The following ZNF736 variants were observed in gnomAD, a reference collection of about 807,000 sequenced individuals.
The protein encoded by ZNF736 is KRAB-containing zinc-finger repressor protein.
ZNF736 carries 6 observed loss-of-function variants against 11.7 expected under a neutral mutation model. The ratio of observed to expected loss-of-function variants is 0.51; its 90% CI spans 0.28 to 1.01. ZNF736 has a LOEUF of 1.01. Ranked by LOEUF, ZNF736 falls within the 50% of genes least tolerant of loss-of-function variation. The probability of loss-of-function intolerance (pLI) is 0.09; values close to 1 mark genes in which losing one functional copy is unlikely to be tolerated. For synonymous variants in ZNF736, 139 were observed against 164.7 expected (o/e 0.84, Z 1.19); for missense variants, 444 against 496.0 (o/e 0.90, Z 1.00).
chr7:64,330,220 G>A (rs904817686), intron 1 of ZNF736, among the ~76,000 whole-genome samples: 1 of 151,988 alleles, frequency 6.6e-6, no homozygotes, highest in African/African-American at 2.4e-5. Context: ...GCAGTGGAGT[G>A]ATCTTGGCTC....
intron 1 of ZNF736, among the ~76,000 whole-genome samples, chr7:64,328,955 ATT>A (rs71060588): frequency 8.2e-4 from 120 of 146,300 alleles, no homozygotes; most frequent in Non-Finnish European, 6.6e-4. Flanking sequence ...TCTTGAGGCT[ATT>A]TTTTTTTTTT....
At chr7:64,332,513 G>T (rs1584270296) in intron 1 of ZNF736, among the ~76,000 whole-genome samples, 2 of 152,308 alleles carry the variant, frequency 1.3e-5, no homozygotes. Flanking sequence ...GAACTGATAA[G>T]GGTCTGGGTT....
At chr7:64,325,666 CT>C in intron 1 of ZNF736, among the ~76,000 whole-genome samples, 1 of 152,198 alleles carries the variant, frequency 6.6e-6, no homozygotes, top group South Asian at 2.1e-4. Flanking sequence ...TTTTACTCTC[CT>C]TTTAAAAAAT....
At chr7:64,323,334 A>C (rs1789027605) in intron 1 of ZNF736, among the ~76,000 whole-genome samples, 1 of 152,242 alleles carries the variant, frequency 6.6e-6, no homozygotes, top group South Asian at 2.1e-4. Context: ...CTTATTGAGC[A>C]TGAAACACTT....
In ZNF736 at chr7:64,333,720, C is replaced by T. The variant is rs150158635; in HGVS notation, c.4-2539C>T. ...ATATCATGAAAATGGCAATACTACC[C>T]AAAGTAATTTATAGATTCGATGCTA... On this transcript the variant is annotated intron_variant, in intron 1 of 3. Coordinates refer to ENST00000423484, the MANE Select transcript of ZNF736 (RefSeq NM_001170905.3). Among the ~76,000 whole-genome samples the T allele has an allele frequency of 3.8e-3, 576 of 152,104 alleles. 3 individuals carry two copies. Among genetic ancestry groups the T allele is most frequent in the African/African-American group, 0.012 (504 of 41,502 alleles).
intron 1 of ZNF736, 53 bp downstream of exon 1, chr7:64,314,206 G>T (rs812337): frequency 0.4 from 614,173 of 1,547,506 alleles, 126,103 homozygotes; most frequent in Middle Eastern, 0.48. Context: ...GTTTGAATCC[G>T]GCCGGAACCG....
Position 64,356,628 on chromosome 7 carries a change from C to T in ZNF736, c.*7481C>T, listed in dbSNP as rs117821378. Among the ~76,000 whole-genome samples the T allele has an allele frequency of 3.6e-3, 550 of 151,518 alleles. 1 individual carries two copies. Among genetic ancestry groups the T allele is most frequent in the Non-Finnish European group, 6.8e-3 (462 of 67,908 alleles). ...TTACATTTTAAATAAATTGCTGTTA[C>T]CTGTTAGTATTTGTGTAGCATTTTT... On this transcript the variant is annotated 3_prime_UTR_variant, in exon 4 of 4. Transcript: ENST00000423484.
rs1389244736 is a variant in ZNF736, at chr7:64,351,827, A to G, written c.*2680A>G. On this transcript the variant is annotated 3_prime_UTR_variant, in exon 4 of 4. Coordinates refer to ENST00000423484, the MANE Select transcript of ZNF736 (RefSeq NM_001170905.3). ...AGCAATTACTCAGTGCAGCCAGCCC[A>G]GGATGGAAGATCTTTACTTTTGGCC... 1.3e-5 allele frequency: 2 copies of G among 152,238 alleles called. No individual in the cohort carries two copies. The allele number at this position is 152,238 out of a possible 1,614,324, so 9.4% of individuals were successfully genotyped here.
In ZNF736 at chr7:64,336,273, C is replaced by T; in HGVS notation, c.18C>T (p.Phe6=). 6.2e-7 allele frequency: 1 copy of T among 1,612,512 alleles called. No homozygotes were observed. The highest frequency in any genetic ancestry group is 8.5e-7 in the Non-Finnish European group (1 of 1,179,230). The change falls in exon 2 of 4, where the codon TTC becomes TTT. Residue 6 remains phenylalanine, a synonymous_variant. Coordinates refer to ENST00000423484, the MANE Select transcript of ZNF736 (RefSeq NM_001170905.3). The part of the protein sequence containing the change: MGVLT[F]RDVAVEFSPE... Reference sequence around the variant, plus strand: ...TTGTTTTCCAGGGAGTGTTGACATTCAGGGATGTGGCTGTAGAATTCTCCC... The same window carrying T: ...TTGTTTTCCAGGGAGTGTTGACATTTAGGGATGTGGCTGTAGAATTCTCCC...
Position 64,348,599 on chromosome 7 carries a change from A to G in ZNF736, c.736A>G (p.Lys246Glu). 1 of 1,598,512 alleles carries G rather than the reference A, an allele frequency of 6.3e-7. No homozygotes were observed. The highest frequency in any genetic ancestry group is 8.5e-7 in the Non-Finnish European group (1 of 1,172,322). Residue 246 changes from lysine (K) to glutamate (E), a missense_variant, in exon 4 of 4, where the codon AAA (lysine) becomes GAA (glutamate). Transcript: ENST00000423484. The part of the protein sequence containing the change: ...KTFTCSSTLV[K>E]HKRNHTGDRP... ...TTTTACCTGCTCCTCAACCCTTGTT[A>G]AACACAAGAGAAATCATACTGGAGA...
chr7:64,320,237 A>G (rs1390590429), intron 1 of ZNF736, among the ~76,000 whole-genome samples: 5 of 152,206 alleles, frequency 3.3e-5, no homozygotes, highest in African/African-American at 7.2e-5. Context: ...GTTGCAATCT[A>G]TATTTTCAGG....
In ZNF736 at chr7:64,355,730, G is replaced by T. The variant is rs182358228; in HGVS notation, c.*6583G>T. ...ACATCCTCAACTTATTGTCTCCGAG[G>T]ATAGAAAAGCTGTGTGATGGAAGAA... On this transcript the variant is annotated 3_prime_UTR_variant, in exon 4 of 4. Coordinates refer to ENST00000423484, the MANE Select transcript of ZNF736 (RefSeq NM_001170905.3). 1.3e-5 allele frequency: 2 copies of T among 153,824 alleles called. No homozygotes were observed. Among genetic ancestry groups the T allele is most frequent in the African/African-American group, 2.4e-5 (1 of 41,572 alleles). The allele number at this position is 153,824 out of a possible 1,614,324, so 9.5% of individuals were successfully genotyped here.
intron 3 of ZNF736, among the ~76,000 whole-genome samples, chr7:64,340,815 A>T (rs1383847746): frequency 6.6e-6 from 1 of 152,128 alleles, no homozygotes; most frequent in Non-Finnish European, 1.5e-5. Flanking sequence ...CTTATTTTTA[A>T]AGTAAATTTC....
intron 1 of ZNF736, among the ~76,000 whole-genome samples, chr7:64,318,040 T>C (rs912262675): frequency 1.3e-5 from 2 of 151,982 alleles, no homozygotes; most frequent in African/African-American, 4.8e-5. Flanking sequence ...TTTAATAATC[T>C]TAATTTATAG....
At position 64,330,100 on chromosome 7, in the gene ZNF736, G is replaced by A. The variant is rs567169174; in HGVS notation, c.4-6159G>A. Among the ~76,000 whole-genome samples, 46 of 152,082 alleles carry A rather than the reference G, an allele frequency of 3.0e-4. No homozygotes were observed. In the East Asian group the frequency reaches 4.1e-3, roughly 14 times the overall value. On this transcript the variant is annotated intron_variant, in intron 1 of 3. Transcript: ENST00000423484. ...TCCACTGAAGACCTAAGTGGTCTTCGGTCAGCTTGTGGTGAACTCTGCCAG... is the reference window on the plus strand; with the variant it reads ...TCCACTGAAGACCTAAGTGGTCTTCAGTCAGCTTGTGGTGAACTCTGCCAG...
rs940609470 is a variant in ZNF736 at position 64,351,472 on chromosome 7, G to A, written c.*2325G>A. The A allele has an allele frequency of 6.6e-6, 1 of 152,330 alleles. No homozygotes were observed. Among genetic ancestry groups the A allele is most frequent in the Non-Finnish European group, 1.5e-5 (1 of 68,130 alleles). 9.4% of individuals were successfully genotyped at this position (152,330 alleles called of 1,614,324 possible). On this transcript the variant is annotated 3_prime_UTR_variant, in exon 4 of 4. Transcript: ENST00000423484. ...TCAGGCATGTCCCTCCAGTGCAGAT[G>A]CTCTGGTATGAGCTTCCAGGGTACC... is the stretch of plus-strand genomic sequence containing the variant.
chr7:64,343,820 ACT>A (rs1218854440), intron 3 of ZNF736, among the ~76,000 whole-genome samples: 2 of 152,282 alleles, frequency 1.3e-5, no homozygotes, highest in East Asian at 1.9e-4. Flanking sequence ...CAATAATTCA[ACT>A]CTGTACACAT....
At position 64,336,953 on chromosome 7, in the gene ZNF736, A is replaced by G. The variant is rs371680002; in HGVS notation, c.197A>G (p.Lys66Arg). Residue 66 changes from lysine (K) to arginine (R), a missense_variant, in exon 3 of 4, where the codon AAG becomes AGG. Physicochemically the swap from Lys to Arg is conservative, Grantham distance 26. Transcript: ENST00000423484. ...LEQRKEPWKV[K>R]RQEAVAKHPA... The stretch of plus-strand genomic sequence containing the variant: ...CAAAGAAAAGAGCCTTGGAAAGTGA[A>G]GAGACAGGAGGCAGTAGCCAAACAC... The G allele has an allele frequency of 4.4e-5, 70 of 1,604,620 alleles. No individual in the cohort carries two copies. In the African/African-American group the frequency reaches 9.1e-4, roughly 21 times the overall value.
intron 3 of ZNF736, 180 bp downstream of exon 3, chr7:64,337,162 C>T: frequency 1.6e-6 from 1 of 620,724 alleles, no homozygotes; most frequent in South Asian, 2.0e-5. Flanking sequence ...TGTGAATTTT[C>T]CAAGCACTGT....
Sources: allele counts gnomAD v4.1 joint callset (sites outside exome capture counted in the v4.1 genomes callset), GRCh38; gene constraint gnomAD v4.1.1; transcripts MANE v1.5; gene names NCBI Gene and HGNC (gene_info 2026-07-23, HGNC 2026-07-21).